The following MYO7B variants were observed in gnomAD, a reference collection of about 807,000 sequenced individuals.
MYO7B encodes myosin VIIB.
A neutral mutation model predicts 259.7 loss-of-function variants in MYO7B; 212 were observed. The ratio of observed to expected loss-of-function variants is 0.82; its 90% confidence interval spans 0.73 to 0.91. The LOEUF is 0.91. Among genes scored for constraint, MYO7B ranks in the 40% least tolerant of loss-of-function variants. MYO7B has a pLI of 0.00. For missense variants in MYO7B, 2,732 were observed against 2,813.5 expected, an observed-to-expected ratio of 0.97 and a Z score of 0.66; for synonymous variants, 1,197 against 1,166.4, an observed-to-expected ratio of 1.03 and a Z score of -0.54.
intron 24 of MYO7B, 57 bp downstream of exon 24, chr2:127,610,073 G>A: frequency 6.3e-7 from 1 of 1,581,298 alleles, no homozygotes; most frequent in South Asian, 1.1e-5. Context: ...TGCCTACCAG[G>A]GCCCAGTCCC....
chr2:127,591,116 GA>G (rs1236025768), intron 16 of MYO7B, among the ~76,000 whole-genome samples: 2 of 152,228 alleles, frequency 1.3e-5, no homozygotes, highest in Non-Finnish European at 2.9e-5. Context: ...TTGAGCCCAG[GA>G]GGTCAAGGCT....
At chr2:127,608,665 C>G in intron 21 of MYO7B, 43 bp from the exon 22 acceptor site, 4 of 1,578,376 alleles carry the variant, frequency 2.5e-6, no homozygotes, top group Non-Finnish European at 3.5e-6. Context: ...GCCCCCTGAG[C>G]CCTGCTGGGC....
At chr2:127,557,357 C>T (rs1363200710) in intron 1 of MYO7B, among the ~76,000 whole-genome samples, 2 of 152,022 alleles carry the variant, frequency 1.3e-5, no homozygotes, top group African/African-American at 4.8e-5. Context: ...TCTGGTGCCT[C>T]CTTGATTAGC....
chr2:127,614,155 AT>A lies in MYO7B; in HGVS notation c.3398+1553del, dbSNP rs1264300594. On this transcript the variant is annotated intron_variant, in intron 26 of 47. Coordinates refer to ENST00000409816, the MANE Select transcript of MYO7B (RefSeq NM_001393586.1). This position sits in a 1 kb window ranked among gnomAD's most constrained non-coding sequence, Gnocchi z 4.6. ...GCAGACACATAAAAGCTATATTCGAATGATGTGTACTTTGGGTTCTTCAGAC... is the reference window on the plus strand; with the variant it reads ...GCAGACACATAAAAGCTATATTCGAAGATGTGTACTTTGGGTTCTTCAGAC... Among the ~76,000 whole-genome samples the A allele has an allele frequency of 6.6e-6, 1 of 152,112 alleles. No homozygotes were observed. The highest frequency in any genetic ancestry group is 1.9e-4 in the East Asian group (1 of 5,192).
At chr2:127,575,542 G>T (rs1271129632) in intron 7 of MYO7B, among the ~76,000 whole-genome samples, 3 of 151,838 alleles carry the variant, frequency 2.0e-5, no homozygotes, top group Non-Finnish European at 4.4e-5. Context: ...AAAGGAAGTA[G>T]CAGAACCACA....
intron 1 of MYO7B, among the ~76,000 whole-genome samples, chr2:127,555,067 C>G (rs543559992): frequency 6.6e-6 from 1 of 152,152 alleles, no homozygotes; most frequent in East Asian, 1.9e-4. Flanking sequence ...TCTGCCTCAG[C>G]CTCCCAAGTA....
At chr2:127,543,769 G>A (rs1446666294) in intron 1 of MYO7B, among the ~76,000 whole-genome samples, 1 of 149,626 alleles carries the variant, frequency 6.7e-6, no homozygotes, top group Non-Finnish European at 1.5e-5. Flanking sequence ...TTTTGAGACC[G>A]AGTCTCGCTG....
At chr2:127,623,166 C>T (rs941431676) in intron 28 of MYO7B, 36 bp from the exon 29 acceptor site, 1 of 1,610,866 alleles carries the variant, frequency 6.2e-7, no homozygotes, top group Non-Finnish European at 8.5e-7. Flanking sequence ...CCATAGGTTC[C>T]AAGAGGCCAG....
In MYO7B at chr2:127,620,473, G is replaced by A. The variant is rs1222802471; in HGVS notation, c.3525+7G>A. ...CTCAGAGAGGTTCATGAAGGTGAGAGGGTTCATGAAGGGAGGGCGGGCAGG... is the reference window on the plus strand; with the variant it reads ...CTCAGAGAGGTTCATGAAGGTGAGAAGGTTCATGAAGGGAGGGCGGGCAGG... On this transcript the variant is annotated splice_region_variant and intron_variant, in intron 27 of 47. Coordinates refer to ENST00000409816, the MANE Select transcript of MYO7B (RefSeq NM_001393586.1). The A allele has an allele frequency of 1.3e-6, 2 of 1,570,926 alleles. No individual in the cohort carries two copies. Among genetic ancestry groups the A allele is most frequent in the Admixed American group, 1.7e-5 (1 of 57,368 alleles).
At chr2:127,603,900 A>C (rs1014161930) in intron 19 of MYO7B, among the ~76,000 whole-genome samples, 6 of 152,184 alleles carry the variant, frequency 3.9e-5, no homozygotes, top group Non-Finnish European at 7.3e-5. Context: ...TTGGGAGGCC[A>C]AGGTGGGTGG....
Position 127,610,025 on chromosome 2 carries a change from G to A in MYO7B, c.3192+9G>A. The A allele has an allele frequency of 1.2e-6, 2 of 1,608,110 alleles. No homozygotes were observed. The highest frequency in any genetic ancestry group is 1.7e-6 in the Non-Finnish European group (2 of 1,177,990). On this transcript the variant is annotated intron_variant, in intron 24 of 47. Coordinates refer to ENST00000409816, the MANE Select transcript of MYO7B (RefSeq NM_001393586.1). ...ACAGTAGATCTGCACAGGCAAGTGG[G>A]GGGCAGCAGCGGGCAGAGGAGGGCG...
At chr2:127,574,170 C>A in intron 7 of MYO7B, 108 bp downstream of exon 7, 2 of 1,396,412 alleles carry the variant, frequency 1.4e-6, no homozygotes, top group Non-Finnish European at 2.0e-6. Flanking sequence ...AAGGGCCCTC[C>A]CAGAACCCAC....
At position 127,627,276 on chromosome 2, in the gene MYO7B, T is replaced by C. The variant is rs755585737; in HGVS notation, c.4426T>C (p.Ser1476Pro). The change falls in exon 33 of 48, where the codon TCT becomes CCT. Residue 1476 changes from serine to proline, a missense_variant. Physicochemically the swap from Ser to Pro is moderately conservative, Grantham distance 74 (BLOSUM62 -1). Around this residue, in one of 3 missense-constraint regions of MYO7B, gnomAD observed 1,906 missense variants for 2,026.4 expected, o/e 0.94. Coordinates refer to ENST00000409816, the MANE Select transcript of MYO7B (RefSeq NM_001393586.1). This position sits in a 1 kb window ranked among gnomAD's most constrained non-coding sequence, Gnocchi z 5.6. ...GCAGGAGAAGATGCTGCTGGAACTC[T>C]CTTTCCCAGAGGTCATGGGTCTGGC... ...DQQEKMLLEL[S>P]FPEVMGLATN... is the part of the protein sequence containing the mutation. 2 of 1,613,002 alleles carry C rather than the reference T, an allele frequency of 1.2e-6. No homozygotes were observed. Among genetic ancestry groups the C allele is most frequent in the African/African-American group, 1.3e-5 (1 of 74,992 alleles).
intron 12 of MYO7B, 76 bp downstream of exon 12, chr2:127,582,522 T>C (rs1394861712): frequency 2.0e-6 from 3 of 1,535,748 alleles, no homozygotes; most frequent in Non-Finnish European, 2.6e-6. Flanking sequence ...AGGGGGCAAG[T>C]TGGAGGGGAG....
intron 16 of MYO7B, among the ~76,000 whole-genome samples, chr2:127,591,125 G>A (rs563801845): frequency 6.6e-6 from 1 of 152,242 alleles, no homozygotes; most frequent in South Asian, 2.1e-4. Flanking sequence ...GGAGGTCAAG[G>A]CTGCAGTGAA....
intron 9 of MYO7B, among the ~76,000 whole-genome samples, chr2:127,580,224 G>A (rs1012464190): frequency 2.0e-5 from 3 of 152,158 alleles, no homozygotes; most frequent in South Asian, 2.1e-4. Context: ...AGCCTGGCAC[G>A]TCCTAAGCTG....
intron 29 of MYO7B, 33 bp from the exon 30 acceptor site, chr2:127,624,060 C>T: frequency 6.5e-7 from 1 of 1,526,864 alleles, no homozygotes; most frequent in Non-Finnish European, 8.8e-7. Flanking sequence ...CATGCAACAG[C>T]CGCTAACCCC....
At position 127,585,969 on chromosome 2, in the gene MYO7B, A is replaced by G. The variant is rs551964791; in HGVS notation, c.1690+1056A>G. ...GACTTCTTTATATATTCTGGATACAAGTACCTAATAGGTGATTTTAAATTT... is the reference window on the plus strand; with the variant it reads ...GACTTCTTTATATATTCTGGATACAGGTACCTAATAGGTGATTTTAAATTT... On this transcript the variant is annotated intron_variant, in intron 14 of 47. Transcript: ENST00000409816. The surrounding 1 kb of genome is among the most constrained non-coding windows in gnomAD (Gnocchi z 4.3). Among the ~76,000 whole-genome samples the G allele has an allele frequency of 6.6e-6, 1 of 152,314 alleles. No homozygotes were observed. The highest frequency in any genetic ancestry group is 1.9e-4 in the East Asian group (1 of 5,192).
chr2:127,540,589 C>T (rs185047709), intron 1 of MYO7B, among the ~76,000 whole-genome samples: 363 of 152,298 alleles, frequency 2.4e-3, no homozygotes, highest in Non-Finnish European at 4.2e-3. Context: ...TTCCCACCAG[C>T]GGTGAAAAAG....
Sources: allele counts gnomAD v4.1 joint callset (sites outside exome capture counted in the v4.1 genomes callset), GRCh38; gene constraint gnomAD v4.1.1; regional missense constraint gnomAD v4.1.1; non-coding constraint Gnocchi (gnomAD v3.1); transcripts MANE v1.5; gene names NCBI Gene and HGNC (gene_info 2026-07-23, HGNC 2026-07-21).